Variants in EYS observed in about 807,000 individuals in gnomAD.
EYS encodes the protein EGF-like photoreceptor maintenance factor.
In EYS, 250 loss-of-function variants were observed where a neutral mutation model predicts 282.1. That is an observed-to-expected ratio of 0.89 (90% confidence interval 0.80 to 0.98). The LOEUF (loss-of-function observed/expected upper bound fraction) is 0.98, where lower values mean the gene tolerates loss of function less well. EYS is among the 50% of genes least tolerant of loss of function. The pLI, the probability that EYS is intolerant of heterozygous loss-of-function variation, is 0.00. For synonymous variants in EYS, 1,355 were observed against 1,282.9 expected, an observed-to-expected ratio of 1.06 and a Z score of -1.20; for missense variants, 4,016 against 3,709.0, an observed-to-expected ratio of 1.08 and a Z score of -2.15.
chr6:64,694,298 T>C (rs1241162844), intron 22 of EYS, among the ~76,000 whole-genome samples: 2 of 152,122 alleles, frequency 1.3e-5, no homozygotes, highest in African/African-American at 4.8e-5. Context: ...TAAAAAACCA[T>C]TGAATGCTTT....
At chr6:64,497,938 T>A (rs1776938715) in intron 26 of EYS, among the ~76,000 whole-genome samples, 1 of 152,136 alleles carries the variant, frequency 6.6e-6, no homozygotes, top group Non-Finnish European at 1.5e-5. Flanking sequence ...GTGAGCTTAT[T>A]AAGAGTCTGG....
At chr6:63,838,639 T>C (rs189863943) in intron 36 of EYS, among the ~76,000 whole-genome samples, 1 of 152,284 alleles carries the variant, frequency 6.6e-6, no homozygotes, top group Admixed American at 6.5e-5. Flanking sequence ...TTTTCCCCTG[T>C]AGGTGAGAGA....
intron 5 of EYS, among the ~76,000 whole-genome samples, chr6:65,416,312 A>G (rs984750779): frequency 3.3e-5 from 5 of 151,972 alleles, no homozygotes; most frequent in African/African-American, 1.2e-4. Context: ...TAAGTGTGGC[A>G]TAAATAAGGA....
chr6:64,689,785 T>C (rs1413437666), intron 22 of EYS, among the ~76,000 whole-genome samples: 1 of 152,184 alleles, frequency 6.6e-6, no homozygotes, highest in African/African-American at 2.4e-5. Context: ...TGTAGAAAGC[T>C]GAGACTGGAT....
chr6:65,598,892 A>G lies in EYS; in HGVS notation c.-333+40886T>C, dbSNP rs558076563. Among the ~76,000 whole-genome samples the G allele has an allele frequency of 2.0e-5, 3 of 152,298 alleles. No individual in the cohort carries two copies. The East Asian group carries it at 5.8e-4, about 29-fold the overall frequency. ...AACTGTAATCAAAGGGAGTAGTAATAGTATGAGTTAGGGTCATCACTTAAA... is the reference window on the plus strand; with the variant it reads ...AACTGTAATCAAAGGGAGTAGTAATGGTATGAGTTAGGGTCATCACTTAAA... On this transcript the variant is annotated intron_variant, in intron 2 of 42. Coordinates refer to ENST00000503581, the MANE Select transcript of EYS (RefSeq NM_001142800.2).
intron 8 of EYS, among the ~76,000 whole-genome samples, chr6:65,359,178 A>G (rs1029598115): frequency 1.3e-5 from 2 of 152,088 alleles, no homozygotes; most frequent in African/African-American, 4.8e-5. Context: ...AAAAGAAACA[A>G]GAGAATCAAG....
At chr6:63,922,152 G>C (rs900587897) in intron 35 of EYS, among the ~76,000 whole-genome samples, 1 of 152,186 alleles carries the variant, frequency 6.6e-6, no homozygotes, top group Non-Finnish European at 1.5e-5. Flanking sequence ...CTCCAAAACT[G>C]TGAGAAAACA....
intron 5 of EYS, among the ~76,000 whole-genome samples, chr6:65,419,042 C>T (rs1163528354): frequency 6.6e-6 from 1 of 151,740 alleles, no homozygotes; most frequent in Non-Finnish European, 1.5e-5. Flanking sequence ...AGTCATTTCT[C>T]TGGGAGAATG....
chr6:64,436,220 T>C lies in EYS; in HGVS notation c.5881A>G (p.Thr1961Ala). ...TGCCCGTTGTCCACTCTAACAGTAG[T>C]ATTAATGCTTTTAAATTTTGCTTCA... ...PGEAKFKSIN[T>A]TVRVDNGQKY... Residue 1961 changes from threonine to alanine, a missense_variant, in exon 28 of 43, where the codon ACT becomes GCT. Coordinates refer to ENST00000503581, the MANE Select transcript of EYS (RefSeq NM_001142800.2). 2 of 1,544,800 alleles carry C rather than the reference T, an allele frequency of 1.3e-6. No homozygotes were observed. Among genetic ancestry groups the C allele is most frequent in the Non-Finnish European group, 1.8e-6 (2 of 1,142,656 alleles).
chr6:65,010,430 T>C (rs1441933985), intron 13 of EYS, among the ~76,000 whole-genome samples: 1 of 152,238 alleles, frequency 6.6e-6, no homozygotes, highest in Admixed American at 6.5e-5. Flanking sequence ...ACTGCGCACT[T>C]GTGCAACTCT....
chr6:63,892,951 G>C (rs576954641), intron 35 of EYS, among the ~76,000 whole-genome samples: 1 of 151,900 alleles, frequency 6.6e-6, no homozygotes, highest in African/African-American at 2.4e-5. Context: ...AAAAGAAGAC[G>C]TTTATGCAGC....
At chr6:64,476,502 AC>A (rs1172207851) in intron 26 of EYS, among the ~76,000 whole-genome samples, 3 of 151,726 alleles carry the variant, frequency 2.0e-5, no homozygotes, top group Non-Finnish European at 4.4e-5. Flanking sequence ...GATACAGTTA[AC>A]TCTGTTGCAG....
At position 64,299,513 on chromosome 6, in the gene EYS, C is replaced by T. The variant is rs202068045; in HGVS notation, c.6191+7457G>A. Among the ~76,000 whole-genome samples the T allele has an allele frequency of 3.0e-4, 45 of 152,274 alleles. No homozygotes were observed. The East Asian group carries it at 6.2e-3, about 21-fold the overall frequency. ...CGCTGCAACGGACTGGTGATTGTGACGGAACCCTTGAAAACGAAGGTGAAA... is the reference window on the plus strand; with the variant it reads ...CGCTGCAACGGACTGGTGATTGTGATGGAACCCTTGAAAACGAAGGTGAAA... On this transcript the variant is annotated intron_variant, in intron 30 of 42. Transcript: ENST00000503581.
intron 11 of EYS, among the ~76,000 whole-genome samples, chr6:65,306,829 T>A: frequency 5.1e-5 from 1 of 19,620 alleles, no homozygotes; most frequent in Non-Finnish European, 9.5e-5. Context: ...CAAGAGTCCG[T>A]CTCAAAAAAA....
intron 35 of EYS, among the ~76,000 whole-genome samples, chr6:63,925,137 A>G (rs926353333): frequency 2.0e-5 from 3 of 152,220 alleles, no homozygotes; most frequent in Non-Finnish European, 2.9e-5. Context: ...GACTTAAGAA[A>G]GCAGCCCTGA....
chr6:64,438,628 A>C (rs1052998553), intron 27 of EYS, among the ~76,000 whole-genome samples: 2 of 149,580 alleles, frequency 1.3e-5, no homozygotes, highest in African/African-American at 4.8e-5. Context: ...GTCAATAAAG[A>C]AGTAGAAGAA....
At chr6:64,444,038 T>C (rs144818954) in intron 26 of EYS, among the ~76,000 whole-genome samples, 282 of 152,314 alleles carry the variant, frequency 1.9e-3, no homozygotes, top group Non-Finnish European at 3.4e-3. Flanking sequence ...AACATGCCCA[T>C]GAAAGCTTCA....
chr6:64,434,394 A>G (rs1270046538), intron 28 of EYS, among the ~76,000 whole-genome samples: 9 of 152,088 alleles, frequency 5.9e-5, no homozygotes, highest in Non-Finnish European at 1.2e-4. Context: ...TTTTACGATG[A>G]TTAGATGTAG....
chr6:65,279,452 G>T (rs944232617), intron 12 of EYS, among the ~76,000 whole-genome samples: 2 of 151,886 alleles, frequency 1.3e-5, no homozygotes, highest in African/African-American at 4.8e-5. Flanking sequence ...ATAACATTAG[G>T]CAACATACCA....
Sources: gnomAD v4.1 joint callset for allele counts (sites outside exome capture counted in the v4.1 genomes callset) on GRCh38, gnomAD v4.1.1 for gene constraint, MANE v1.5 for transcripts, NCBI Gene and HGNC (gene_info 2026-07-23, HGNC 2026-07-21) for gene names.